The following SYNPO variants were observed in gnomAD, a reference collection of about 807,000 sequenced individuals.
SYNPO encodes the protein synaptopodin.
A neutral mutation model predicts 49.5 loss-of-function variants in SYNPO; 19 were observed. That is an observed-to-expected ratio of 0.38 (90% CI 0.27 to 0.56). The LOEUF (loss-of-function observed/expected upper bound fraction) is 0.56. Ranked by LOEUF, SYNPO falls within the 20% of genes least tolerant of loss-of-function variation. The probability of loss-of-function intolerance (pLI) is 0.68; values close to 1 mark genes in which losing one functional copy is unlikely to be tolerated. For missense variants in SYNPO, 1,131 were observed against 1,248.3 expected (o/e 0.91, Z 1.42); for synonymous variants, 536 against 548.0 (o/e 0.98, Z 0.31).
intron 1 of SYNPO, among the ~76,000 whole-genome samples, chr5:150,643,786 GC>G (rs1326383507): frequency 6.6e-6 from 1 of 152,090 alleles, no homozygotes; most frequent in Non-Finnish European, 1.5e-5. Flanking sequence ...ACCTGCCTTG[GC>G]CCCCCAAAAT....
Position 150,647,995 on chromosome 5 carries a change from C to T in SYNPO, c.-281C>T, listed in dbSNP as rs191866570. ...GAGAAGGATCTGAAAGAAGCCAAGG[C>T]GCGGAGCCAGCAGATTGCAGCCCAG... On this transcript the variant is annotated 5_prime_UTR_variant, in exon 2 of 3. Coordinates refer to ENST00000307662, the MANE Select transcript of SYNPO (RefSeq NM_007286.6). The T allele has an allele frequency of 1.8e-4, 284 of 1,551,876 alleles. No individual in the cohort carries two copies. Among genetic ancestry groups the T allele is most frequent in the Admixed American group, 7.1e-4 (36 of 51,012 alleles).
At chr5:150,637,763 G>C (rs1757767331), upstream of SYNPO, among the ~76,000 whole-genome samples, 1 of 152,194 alleles carries the variant, frequency 6.6e-6, no homozygotes, top group South Asian at 2.1e-4. Flanking sequence ...AGGAATGTGG[G>C]GAATTTACCA....
rs541627682 is a variant in SYNPO at position 150,630,291 on chromosome 5, G to C, written c.400+11524G>C. Among the ~76,000 whole-genome samples the C allele has an allele frequency of 3.2e-4, 49 of 152,182 alleles. 1 individual carries two copies. Among genetic ancestry groups the C allele is most frequent in the Admixed American group, 3.2e-3 (49 of 15,284 alleles). On this transcript the variant is annotated intron_variant, in intron 2 of 2. Transcript: ENST00000394243. ...TCTGGCACACCGCCACCATTGTACA[G>C]TTAGGGGAAACTGAGGTCAGAGTGT...
Position 150,657,052 on chromosome 5 carries a change from G to A in SYNPO, c.2677G>A (p.Gly893Ser). The A allele has an allele frequency of 6.3e-7, 1 of 1,599,084 alleles. No individual in the cohort carries two copies. The highest frequency in any genetic ancestry group is 8.5e-7 in the Non-Finnish European group (1 of 1,173,936). The stretch of plus-strand genomic sequence containing the variant: ...GAATGGCAGCCTTCGGCTCAAGCGT[G>A]GCAGCCTCCCCGCCGAGGCCTCCTG... ...GWNGSLRLKR[G>S]SLPAEASCTT is the part of the protein sequence containing the mutation. Residue 893 changes from glycine (G) to serine (S), a missense_variant, in exon 3 of 3, where the codon GGC becomes AGC. By Grantham distance (56) the Gly-to-Ser change is moderately conservative. Around this residue, in one of 4 missense-constraint regions of SYNPO, gnomAD observed 509 missense variants for 484.5 expected, o/e 1.05. Coordinates refer to ENST00000307662, the MANE Select transcript of SYNPO (RefSeq NM_007286.6).
rs1243811414 is a variant in SYNPO at position 150,657,236 on chromosome 5, G to A, written c.*149G>A. 6 of 834,772 alleles carry A rather than the reference G, an allele frequency of 7.2e-6. No individual in the cohort carries two copies. The highest frequency in any genetic ancestry group is 2.9e-5 in the Admixed American group (1 of 34,766). 51.7% of individuals were successfully genotyped at this position (834,772 alleles called of 1,614,324 possible). Reference sequence around the variant, plus strand: ...CTGGGGTTGGGGATGGGTTAGGGACGCAAGCTTGAGTTCTAGCCCTTGCTC... The same window carrying A: ...CTGGGGTTGGGGATGGGTTAGGGACACAAGCTTGAGTTCTAGCCCTTGCTC... On this transcript the variant is annotated 3_prime_UTR_variant, in exon 3 of 3. Transcript: ENST00000307662.
At chr5:150,625,524 T>C (rs981985102) in intron 2 of SYNPO, among the ~76,000 whole-genome samples, 1 of 152,162 alleles carries the variant, frequency 6.6e-6, no homozygotes, top group Non-Finnish European at 1.5e-5. Context: ...ATCCAGGCCT[T>C]TCCCCAGCGC....
chr5:150,620,930 T>TTTC (rs1757145004), intron 2 of SYNPO, among the ~76,000 whole-genome samples: 1 of 138,778 alleles, frequency 7.2e-6, no homozygotes, highest in Non-Finnish European at 1.5e-5. Flanking sequence ...TCTTTCTTTC[T>TTTC]TTCTTTCTTT....
At chr5:150,626,989 TCA>T (rs1757378981) in intron 2 of SYNPO, among the ~76,000 whole-genome samples, 2 of 152,250 alleles carry the variant, frequency 1.3e-5, no homozygotes, top group South Asian at 4.1e-4. Context: ...TGAGCCCACG[TCA>T]CAGCTCTGGG....
At chr5:150,650,740 G>T in intron 2 of SYNPO, 2 of 1,305,152 alleles carry the variant, frequency 1.5e-6, no homozygotes, top group Non-Finnish European at 2.0e-6. Context: ...GCCAGTGCCT[G>T]TGGAGTCAGC....
At chr5:150,636,219 G>A (rs565235637), upstream of SYNPO, among the ~76,000 whole-genome samples, 134 of 152,230 alleles carry the variant, frequency 8.8e-4, no homozygotes, top group Admixed American at 1.8e-3. Context: ...TTTAAATTTT[G>A]TTAGTGAAAT....
chr5:150,643,484 G>C (rs191775746), intron 1 of SYNPO, among the ~76,000 whole-genome samples: 14 of 152,314 alleles, frequency 9.2e-5, no homozygotes, highest in Admixed American at 9.1e-4. Flanking sequence ...AAGGGGATCT[G>C]ATGTATCTGC....
intron 2 of SYNPO, among the ~76,000 whole-genome samples, chr5:150,629,780 G>A (rs1235308498): frequency 6.6e-6 from 1 of 152,184 alleles, no homozygotes; most frequent in African/African-American, 2.4e-5. Flanking sequence ...AACTCCATGA[G>A]GTGAGTACTG....
At chr5:150,635,111 A>G (rs967117193) in intron 2 of SYNPO, among the ~76,000 whole-genome samples, 28 of 152,234 alleles carry the variant, frequency 1.8e-4, no homozygotes, top group African/African-American at 6.8e-4. Flanking sequence ...GGCAGGAAGG[A>G]AACACATACG....
chr5:150,586,719 C>T, the SYNPO span, among the ~76,000 whole-genome samples: 8 of 152,124 alleles, frequency 5.3e-5, no homozygotes, highest in East Asian at 3.9e-4. Flanking sequence ...GCAGTTGTGT[C>T]GATCATGTTC....
chr5:150,616,490 G>A (rs1366296669), intron 1 of SYNPO, among the ~76,000 whole-genome samples: 3 of 152,114 alleles, frequency 2.0e-5, no homozygotes, highest in African/African-American at 4.8e-5. Flanking sequence ...TCTGTCTTAC[G>A]CACTACCTGC....
intron 2 of SYNPO, among the ~76,000 whole-genome samples, chr5:150,627,991 A>G (rs1254089085): frequency 6.6e-6 from 1 of 150,392 alleles, no homozygotes; most frequent in African/African-American, 2.5e-5. Flanking sequence ...TGGCTCTGCT[A>G]AGTTAGTCGT....
chr5:150,634,996 G>T (rs1026183376), intron 2 of SYNPO, among the ~76,000 whole-genome samples: 1 of 152,238 alleles, frequency 6.6e-6, no homozygotes, highest in South Asian at 2.1e-4. Flanking sequence ...TCCTGGAGAA[G>T]TGAATTTGAA....
chr5:150,641,361 C>A (rs541165668), intron 1 of SYNPO, among the ~76,000 whole-genome samples: 3 of 152,230 alleles, frequency 2.0e-5, no homozygotes, highest in African/African-American at 7.2e-5. Flanking sequence ...CCCTTCCTGT[C>A]GCCAAGACCC....
intron 2 of SYNPO, among the ~76,000 whole-genome samples, chr5:150,656,168 G>A (rs1758543288): frequency 2.0e-5 from 3 of 152,286 alleles, no homozygotes; most frequent in South Asian, 4.2e-4. Context: ...AAGTTAAGGC[G>A]GCTCTCTCCA....
Sources: gnomAD v4.1 joint callset for allele counts (sites outside exome capture counted in the v4.1 genomes callset) on GRCh38, gnomAD v4.1.1 for gene constraint, gnomAD v4.1.1 regional missense constraint, MANE v1.5 for transcripts, NCBI Gene and HGNC (gene_info 2026-07-23, HGNC 2026-07-21) for gene names.